Variants in CALCR observed in about 807,000 individuals in gnomAD.
CALCR encodes calcitonin receptor.
A neutral mutation model predicts 59.5 loss-of-function variants in CALCR; 47 were observed. The observed-to-expected ratio is 0.79, with a 90% CI of 0.63 to 1.01. The LOEUF (loss-of-function observed/expected upper bound fraction) is 1.01. Ranked by LOEUF, CALCR falls within the 50% of genes least tolerant of loss-of-function variation. The probability of loss-of-function intolerance (pLI) is 0.00; values close to 1 mark genes in which losing one functional copy is unlikely to be tolerated. For missense variants in CALCR, 566 were observed against 597.1 expected, an observed-to-expected ratio of 0.95 and a Z score of 0.54; for synonymous variants, 213 against 211.3, an observed-to-expected ratio of 1.01 and a Z score of -0.07.
At chr7:93,538,929 G>A (rs1029872097) in intron 2 of CALCR, among the ~76,000 whole-genome samples, 6 of 151,940 alleles carry the variant, frequency 3.9e-5, no homozygotes, top group Admixed American at 6.6e-5. Flanking sequence ...TGATATATGG[G>A]GATGGTATTA....
intron 6 of CALCR, among the ~76,000 whole-genome samples, chr7:93,472,151 C>T (rs1800565469): frequency 6.6e-6 from 1 of 151,762 alleles, no homozygotes; most frequent in Non-Finnish European, 1.5e-5. Flanking sequence ...TCTGTATGCT[C>T]ACGGAACTTC....
At chr7:93,484,008 C>T (rs1451064083) in intron 3 of CALCR, 1 of 520,048 alleles carries the variant, frequency 1.9e-6, no homozygotes, top group Non-Finnish European at 4.0e-6. Flanking sequence ...CATACGACCA[C>T]CAAGCTGCCA....
intron 7 of CALCR, among the ~76,000 whole-genome samples, chr7:93,464,454 T>A (rs890932950): frequency 5.9e-5 from 9 of 152,048 alleles, no homozygotes; most frequent in African/African-American, 1.9e-4. Flanking sequence ...ACTTTTAGTT[T>A]TCATTTACCT....
chr7:93,542,849 G>A (rs527805236), intron 2 of CALCR, among the ~76,000 whole-genome samples: 40 of 152,042 alleles, frequency 2.6e-4, no homozygotes, highest in African/African-American at 9.6e-4. Flanking sequence ...TTATTCCACT[G>A]GAAAGTCGTC....
At chr7:93,486,787 A>C in intron 3 of CALCR, 144 bp downstream of exon 3, 1 of 656,268 alleles carries the variant, frequency 1.5e-6, no homozygotes, top group South Asian at 1.8e-5. Flanking sequence ...AATATTAAGC[A>C]AAATAATGGC....
At chr7:93,563,453 T>A (rs939446262) in intron 2 of CALCR, among the ~76,000 whole-genome samples, 5 of 152,136 alleles carry the variant, frequency 3.3e-5, no homozygotes, top group Admixed American at 6.5e-5. Context: ...TTAGTAGAAA[T>A]CACACCTTTA....
At chr7:93,426,911 AG>A (rs1367175117) in intron 13 of CALCR, among the ~76,000 whole-genome samples, 1 of 152,224 alleles carries the variant, frequency 6.6e-6, no homozygotes, top group Non-Finnish European at 1.5e-5. Flanking sequence ...ATGTCATAAT[AG>A]GGAGAAAGGT....
intron 2 of CALCR, among the ~76,000 whole-genome samples, chr7:93,571,916 C>T (rs1338390638): frequency 6.6e-6 from 1 of 152,126 alleles, no homozygotes; most frequent in Non-Finnish European, 1.5e-5. Context: ...CTATTTTCCT[C>T]TTTCTCCTCT....
chr7:93,485,176 A>T (rs1800914668), intron 3 of CALCR, among the ~76,000 whole-genome samples: 1 of 151,848 alleles, frequency 6.6e-6, no homozygotes, highest in East Asian at 2.0e-4. Context: ...TCAAATATAT[A>T]ATCCAAATAC....
At chr7:93,506,646 AT>A (rs111234461) in intron 2 of CALCR, among the ~76,000 whole-genome samples, 1,601 of 140,968 alleles carry the variant, frequency 0.011, 2 homozygotes, top group East Asian at 0.016. Flanking sequence ...GTTGATTGTG[AT>A]TTTTTTTTTT....
At chr7:93,444,098 T>C (rs1433683215) in intron 8 of CALCR, among the ~76,000 whole-genome samples, 2 of 152,186 alleles carry the variant, frequency 1.3e-5, no homozygotes, top group Non-Finnish European at 2.9e-5. Flanking sequence ...ATGACTTTTA[T>C]GGCCCCTTTT....
At chr7:93,501,951 C>T (rs930987705) in intron 2 of CALCR, among the ~76,000 whole-genome samples, 7 of 152,056 alleles carry the variant, frequency 4.6e-5, no homozygotes, top group African/African-American at 1.7e-4. Flanking sequence ...GGAAACAGAG[C>T]TCCAATCTTG....
intron 2 of CALCR, among the ~76,000 whole-genome samples, chr7:93,565,985 C>T (rs1789856563): frequency 6.6e-6 from 1 of 152,048 alleles, no homozygotes; most frequent in Non-Finnish European, 1.5e-5. Flanking sequence ...CTTTCTTTTT[C>T]CCTTGTTGCC....
chr7:93,444,043 A>G (rs1799963794), intron 8 of CALCR, among the ~76,000 whole-genome samples: 2 of 152,106 alleles, frequency 1.3e-5, no homozygotes, highest in African/African-American at 4.8e-5. Flanking sequence ...TTTTCCTGCA[A>G]TTTGTCAGAC....
rs911059593 is a variant in CALCR at position 93,550,933 on chromosome 7, A to G, written c.-27+23356T>C. On this transcript the variant is annotated intron_variant, in intron 2 of 13. Transcript: ENST00000426151. ...TTTACAAAACACATCTGTAATATTT[A>G]AAGGTAAGTTTTTAATTTATACCTG... Among the ~76,000 whole-genome samples the G allele has an allele frequency of 1.2e-4, 19 of 152,280 alleles. No individual in the cohort carries two copies. In the South Asian group the frequency reaches 3.9e-3, roughly 32 times the overall value.
At chr7:93,562,663 T>C (rs562017439) in intron 2 of CALCR, among the ~76,000 whole-genome samples, 17 of 152,320 alleles carry the variant, frequency 1.1e-4, no homozygotes, top group South Asian at 8.3e-4. Flanking sequence ...CTTTCTTTTA[T>C]TTAATGTGGG....
chr7:93,442,453 C>A (rs552519288), intron 9 of CALCR, among the ~76,000 whole-genome samples: 46 of 152,308 alleles, frequency 3.0e-4, no homozygotes, highest in African/African-American at 1.1e-3. Context: ...TATGGCATAA[C>A]ACCAGCCCCT....
intron 5 of CALCR, among the ~76,000 whole-genome samples, chr7:93,476,658 T>C (rs1232172970): frequency 6.6e-6 from 1 of 151,858 alleles, no homozygotes; most frequent in Non-Finnish European, 1.5e-5. Context: ...AGAGCCCCAT[T>C]GTTACTTTGG....
At chr7:93,435,422 C>A (rs779412474) in intron 12 of CALCR, among the ~76,000 whole-genome samples, 1 of 152,060 alleles carries the variant, frequency 6.6e-6, no homozygotes, top group Non-Finnish European at 1.5e-5. Context: ...GGAAAGCAGG[C>A]ACAGAAAGAA....
Sources: gnomAD v4.1 joint callset for allele counts (sites outside exome capture counted in the v4.1 genomes callset) on GRCh38, gnomAD v4.1.1 for gene constraint, MANE v1.5 for transcripts, NCBI Gene and HGNC (gene_info 2026-07-23, HGNC 2026-07-21) for gene names.